Variants in MINAR1 observed in about 807,000 individuals in gnomAD.
The protein encoded by MINAR1 is membrane integral NOTCH2 associated receptor 1.
MINAR1 carries 40 observed loss-of-function variants against 65.1 expected under a neutral mutation model. The ratio of observed to expected loss-of-function variants is 0.61; its 90% CI spans 0.48 to 0.80. The LOEUF (loss-of-function observed/expected upper bound fraction) is 0.80. Among genes scored for constraint, MINAR1 ranks in the 30% least tolerant of loss-of-function variants. MINAR1 has a pLI of 0.00. For synonymous variants in MINAR1, 482 were observed against 449.1 expected (o/e 1.07, Z -0.93); for missense variants, 1,128 against 1,148.0 (o/e 0.98, Z 0.25).
the MINAR1 span, chr15:79,423,214 A>C: frequency 6.9e-6 from 1 of 144,074 alleles, no homozygotes; most frequent in Non-Finnish European, 1.5e-5. Flanking sequence ...ATAATAAGGC[A>C]GCCTTATAAA....
chr15:79,427,355 A>G (rs546632412), upstream of MINAR1: 3 of 152,228 alleles, frequency 2.0e-5, no homozygotes, highest in Admixed American at 2.0e-4. Flanking sequence ...TGTACAACAA[A>G]CCCTCATGAC....
chr15:79,452,875 C>G (rs1446240191), intron 1 of MINAR1, among the ~76,000 whole-genome samples: 2 of 147,658 alleles, frequency 1.4e-5, no homozygotes, highest in African/African-American at 2.5e-5. Flanking sequence ...GAGTGTGAAG[C>G]TGTGTGAGTG....
chr15:79,411,488 G>A, the MINAR1 span: 3 of 702,412 alleles, frequency 4.3e-6, no homozygotes, highest in Non-Finnish European at 7.8e-6. Context: ...GGACTGGGAC[G>A]ACTGGCACCC....
intron 3 of MINAR1, among the ~76,000 whole-genome samples, chr15:79,463,952 C>G (rs1210146114): frequency 6.6e-6 from 1 of 152,244 alleles, no homozygotes; most frequent in Non-Finnish European, 1.5e-5. Context: ...TGTCCCCCTA[C>G]CTGTGCACTT....
At chr15:79,463,433 T>C in intron 3 of MINAR1, 112 bp downstream of exon 3, 2 of 1,243,874 alleles carry the variant, frequency 1.6e-6, no homozygotes, top group Non-Finnish European at 2.3e-6. Context: ...ACCCTTCAAC[T>C]CCCTGGGCCC....
chr15:79,457,842 C>T lies in MINAR1; in HGVS notation c.1695C>T (p.Thr565=). 1.2e-6 allele frequency: 2 copies of T among 1,614,092 alleles called. No individual in the cohort carries two copies. Among genetic ancestry groups the T allele is most frequent in the Non-Finnish European group, 1.7e-6 (2 of 1,180,034 alleles). ...DCDSSPEHNL[T]KIANGVPNSK... is the part of the protein sequence containing the mutation. ...ACAGTTCCCCTGAGCACAACTTAACCAAAATTGCCAATGGGGTCCCCAACA... is the reference window on the plus strand; with the variant it reads ...ACAGTTCCCCTGAGCACAACTTAACTAAAATTGCCAATGGGGTCCCCAACA... The change falls in exon 2 of 4, where the codon ACC becomes ACT. Residue 565 remains threonine (T), a synonymous_variant. Transcript: ENST00000305428.
chr15:79,458,749 T>A (rs1895535264), intron 2 of MINAR1, among the ~76,000 whole-genome samples: 1 of 152,190 alleles, frequency 6.6e-6, no homozygotes. Context: ...GGGGAACGTA[T>A]CAGAGCAGGC....
chr15:79,438,572 A>G (rs1207982580), intron 1 of MINAR1, among the ~76,000 whole-genome samples: 1 of 326 alleles, frequency 3.1e-3, no homozygotes, highest in South Asian at 0.17. Flanking sequence ...TGGGGTGTGG[A>G]TGGGGTGGGT....
chr15:79,431,186 T>C (rs1044473233), upstream of MINAR1, among the ~76,000 whole-genome samples: 1 of 128,528 alleles, frequency 7.8e-6, no homozygotes, highest in African/African-American at 2.9e-5. Flanking sequence ...GGGAAGGAGG[T>C]GGGGTGGTGG....
At chr15:79,460,578 C>G (rs2141299844) in intron 2 of MINAR1, among the ~76,000 whole-genome samples, 1 of 152,278 alleles carries the variant, frequency 6.6e-6, no homozygotes, top group South Asian at 2.1e-4. Flanking sequence ...TGAGTCAAGG[C>G]TCTTTCCCTA....
chr15:79,452,639 T>G (rs1326148754), intron 1 of MINAR1, among the ~76,000 whole-genome samples: 2 of 143,388 alleles, frequency 1.4e-5, no homozygotes, highest in Non-Finnish European at 3.0e-5. Context: ...TGTGTGTGTG[T>G]GGGTGTGTGT....
At chr15:79,442,707 T>C (rs1213018162) in intron 1 of MINAR1, among the ~76,000 whole-genome samples, 2 of 151,904 alleles carry the variant, frequency 1.3e-5, no homozygotes, top group African/African-American at 2.4e-5. Flanking sequence ...AATTTTCTTT[T>C]AGCTCTCTTT....
rs762685282 is a variant in MINAR1 at position 79,463,245 on chromosome 15, G to A, written c.2477G>A (p.Gly826Asp). Residue 826 changes from glycine (G) to aspartate (D), a missense_variant, in exon 3 of 4, where the codon GGC becomes GAC. Coordinates refer to ENST00000305428, the MANE Select transcript of MINAR1 (RefSeq NM_015206.3). The stretch of plus-strand genomic sequence containing the variant: ...ACCGAGTTGGCCGAGGTGAAGCGGG[G>A]CCAACCTTCTTGGACCATTGAGGAG... ...RLTELAEVKR[G>D]QPSWTIEEYA... 6.2e-7 allele frequency: 1 copy of A among 1,614,218 alleles called. No homozygotes were observed. The highest frequency in any genetic ancestry group is 1.3e-5 in the African/African-American group (1 of 75,060).
chr15:79,455,436 AG>A (rs1229306294), intron 1 of MINAR1, among the ~76,000 whole-genome samples: 2 of 152,300 alleles, frequency 1.3e-5, no homozygotes, highest in East Asian at 1.9e-4. Context: ...TACACTTTCT[AG>A]TTTAGAGTCC....
In MINAR1 at chr15:79,457,392, T is replaced by C; in HGVS notation, c.1245T>C (p.Leu415=). The part of the protein sequence containing the change: ...FPAPERRPTY[L]VPKDQQPILP... ...CCCCAGAAAGGCGCCCAACTTACCTTGTGCCAAAGGATCAACAGCCAATTC... is the reference window on the plus strand; with the variant it reads ...CCCCAGAAAGGCGCCCAACTTACCTCGTGCCAAAGGATCAACAGCCAATTC... The change falls in exon 2 of 4, where the codon CTT becomes CTC. Residue 415 remains leucine, a synonymous_variant. Coordinates refer to ENST00000305428, the MANE Select transcript of MINAR1 (RefSeq NM_015206.3). 6.2e-7 allele frequency: 1 copy of C among 1,614,126 alleles called. No individual in the cohort carries two copies. Among genetic ancestry groups the C allele is most frequent in the African/African-American group, 1.3e-5 (1 of 75,030 alleles).
rs180846422 is a variant in MINAR1, at chr15:79,472,003, T to A, written c.*3619T>A. The A allele has an allele frequency of 1.3e-5, 2 of 152,424 alleles. No individual in the cohort carries two copies. The highest frequency in any genetic ancestry group is 4.8e-5 in the African/African-American group (2 of 41,444). The allele number at this position is 152,424 out of a possible 1,614,324, so 9.4% of individuals were successfully genotyped here. A position where few individuals can be genotyped will look rare whatever the true frequency, so the allele number is the denominator to read the frequency against. On this transcript the variant is annotated 3_prime_UTR_variant, in exon 4 of 4. Coordinates refer to ENST00000305428, the MANE Select transcript of MINAR1 (RefSeq NM_015206.3). ...TGAGAAATGCAACAAACTTCCTTAT[T>A]TATGCCTTATGAATAAAAGAGTGTG...
chr15:79,468,143 T>TTCAAGTATTCACTGTATTTCTA (rs758008490), intron 3 of MINAR1, 44 bp from the exon 4 acceptor site: 1 of 1,534,446 alleles, frequency 6.5e-7, no homozygotes, highest in Non-Finnish European at 9.0e-7. Context: ...TTGACCTGAT[T>TTCAAGTATTCACTGTATTTCTA]TCAAGTATTC....
At chr15:79,444,656 A>C (rs973482146) in intron 1 of MINAR1, among the ~76,000 whole-genome samples, 1 of 151,892 alleles carries the variant, frequency 6.6e-6, no homozygotes, top group African/African-American at 2.4e-5. Context: ...CCATATTCTA[A>C]TTTTTACTAT....
upstream of MINAR1, among the ~76,000 whole-genome samples, chr15:79,431,517 G>GC (rs1567046941): frequency 3.3e-5 from 5 of 151,512 alleles, no homozygotes; most frequent in African/African-American, 1.2e-4. Context: ...GTGTGTGTGG[G>GC]GGGGGAGAGA....
Sources: allele counts gnomAD v4.1 joint callset (sites outside exome capture counted in the v4.1 genomes callset), GRCh38; gene constraint gnomAD v4.1.1; transcripts MANE v1.5; gene names NCBI Gene and HGNC (gene_info 2026-07-23, HGNC 2026-07-21).